The following PRKD1 variants were observed in gnomAD, a reference collection of about 807,000 sequenced individuals.
The protein encoded by PRKD1 is serine/threonine-protein kinase D1.
In PRKD1, 63 loss-of-function variants were observed where a neutral mutation model predicts 95.9. That is an observed-to-expected ratio of 0.66 (90% CI 0.54 to 0.81). The LOEUF (loss-of-function observed/expected upper bound fraction) is 0.81. Among genes scored for constraint, PRKD1 ranks in the 30% least tolerant of loss-of-function variants. The pLI is 0.00. For missense variants in PRKD1, 1,048 were observed against 1,165.3 expected (o/e 0.90, Z 1.47); for synonymous variants, 425 against 423.1 (o/e 1.00, Z -0.05).
chr14:29,624,066 G>T, intron 13 of PRKD1, 86 bp downstream of exon 13: 2 of 954,516 alleles, frequency 2.1e-6, no homozygotes, highest in Non-Finnish European at 3.1e-6. Flanking sequence ...TATGCCACAG[G>T]TTTTTAGAGA....
At position 29,627,194 on chromosome 14, in the gene PRKD1, T is replaced by C. The variant is rs577805408; in HGVS notation, c.1726-638A>G. ...AGATATTTGCCTGTTGAGATGGCTA[T>C]TTGGAAATGTCATTAAATAATCACG... On this transcript the variant is annotated intron_variant, in intron 11 of 17. Transcript: ENST00000331968. Among the ~76,000 whole-genome samples, 25 of 152,364 alleles carry C rather than the reference T, an allele frequency of 1.6e-4. No homozygotes were observed. In the South Asian group the frequency reaches 5.2e-3, roughly 32 times the overall value.
At chr14:29,774,023 A>T (rs1888626015) in intron 1 of PRKD1, among the ~76,000 whole-genome samples, 1 of 152,244 alleles carries the variant, frequency 6.6e-6, no homozygotes, top group Non-Finnish European at 1.5e-5. Context: ...AGAAAAGATC[A>T]GTTGAGCTAC....
chr14:29,920,963 T>G (rs1045746336), intron 1 of PRKD1, among the ~76,000 whole-genome samples: 3 of 152,210 alleles, frequency 2.0e-5, no homozygotes, highest in Non-Finnish European at 2.9e-5. Context: ...TCCAAGCACC[T>G]TCCTTCTCAT....
chr14:29,752,135 GA>G lies in PRKD1; in HGVS notation c.265-26462del, dbSNP rs199594495. Among the ~76,000 whole-genome samples the G allele has an allele frequency of 4.5e-3, 677 of 152,088 alleles. 10 individuals carry two copies. The highest frequency in any genetic ancestry group is 0.024 in the East Asian group (122 of 5,168). On this transcript the variant is annotated intron_variant, in intron 1 of 17. Transcript: ENST00000331968. Reference sequence around the variant, plus strand: ...GGTTACCTACAGATACAAGATGTTAGAAAAAAAGTTCCCTGAGATATATTTA... The same window carrying G: ...GGTTACCTACAGATACAAGATGTTAGAAAAAAGTTCCCTGAGATATATTTA...
chr14:29,738,973 T>TTA (rs1257953710), intron 1 of PRKD1, among the ~76,000 whole-genome samples: 3 of 152,032 alleles, frequency 2.0e-5, no homozygotes, highest in Non-Finnish European at 4.4e-5. Context: ...GTAGCTGGTA[T>TTA]TATAGGTGTG....
intron 1 of PRKD1, among the ~76,000 whole-genome samples, chr14:29,895,056 G>A (rs1294075695): frequency 6.6e-6 from 1 of 152,178 alleles, no homozygotes; most frequent in Non-Finnish European, 1.5e-5. Context: ...AAATAGCCGG[G>A]CGCTGTGGCT....
intron 1 of PRKD1, among the ~76,000 whole-genome samples, chr14:29,840,688 G>A (rs1178132910): frequency 6.6e-6 from 1 of 152,176 alleles, no homozygotes; most frequent in African/African-American, 2.4e-5. Flanking sequence ...CATGGCAGAA[G>A]GCAAGGAGGA....
intron 1 of PRKD1, among the ~76,000 whole-genome samples, chr14:29,787,686 T>G (rs1889338222): frequency 6.6e-6 from 1 of 152,144 alleles, no homozygotes; most frequent in South Asian, 2.1e-4. Flanking sequence ...GTGAAATATT[T>G]TTTTCCATGC....
chr14:29,718,001 A>T (rs749390671), intron 2 of PRKD1, among the ~76,000 whole-genome samples: 3 of 152,192 alleles, frequency 2.0e-5, no homozygotes, highest in Non-Finnish European at 4.4e-5. Context: ...AGTGAGGAAG[A>T]AGTGCACCAA....
At chr14:29,624,691 G>C (rs1879500936) in intron 12 of PRKD1, among the ~76,000 whole-genome samples, 1 of 152,052 alleles carries the variant, frequency 6.6e-6, no homozygotes, top group Non-Finnish European at 1.5e-5. Flanking sequence ...TTAGCTCTGT[G>C]ATCTTGAGCA....
intron 1 of PRKD1, among the ~76,000 whole-genome samples, chr14:29,852,552 G>A (rs768939396): frequency 1.3e-5 from 2 of 151,266 alleles, no homozygotes; most frequent in African/African-American, 2.4e-5. Flanking sequence ...GAGAGAGAGA[G>A]AGAAAGAGAG....
intron 4 of PRKD1, among the ~76,000 whole-genome samples, chr14:29,660,373 C>T (rs1426932215): frequency 6.6e-6 from 1 of 152,176 alleles, no homozygotes; most frequent in Non-Finnish European, 1.5e-5. Flanking sequence ...GTTTGTTCTA[C>T]ATCAGGGGTG....
intron 1 of PRKD1, among the ~76,000 whole-genome samples, chr14:29,779,703 C>T (rs1266067295): frequency 6.6e-6 from 1 of 152,086 alleles, no homozygotes; most frequent in Non-Finnish European, 1.5e-5. Context: ...GTGAAAATGG[C>T]CATACTGCCC....
chr14:29,776,647 A>G (rs1888771128), intron 1 of PRKD1, among the ~76,000 whole-genome samples: 1 of 152,246 alleles, frequency 6.6e-6, no homozygotes, highest in Admixed American at 6.5e-5. Flanking sequence ...AACTATGTGA[A>G]AAGACCAAAT....
At chr14:29,849,873 C>CATTTA (rs1892237294) in intron 1 of PRKD1, among the ~76,000 whole-genome samples, 4 of 152,160 alleles carry the variant, frequency 2.6e-5, no homozygotes, top group African/African-American at 9.7e-5. Context: ...CGACTTTATT[C>CATTTA]CCAGGATGCA....
intron 4 of PRKD1, among the ~76,000 whole-genome samples, chr14:29,650,949 C>T (rs1264346558): frequency 1.3e-5 from 2 of 152,174 alleles, no homozygotes; most frequent in Non-Finnish European, 2.9e-5. Context: ...TTCACCAATG[C>T]CTATTACAGC....
intron 1 of PRKD1, among the ~76,000 whole-genome samples, chr14:29,766,345 C>T (rs1430809099): frequency 2.0e-5 from 3 of 152,118 alleles, no homozygotes; most frequent in Non-Finnish European, 4.4e-5. Context: ...ACCAGCAAAT[C>T]CATGACACAA....
At chr14:29,632,821 A>T (rs762930630) in intron 9 of PRKD1, 48 bp downstream of exon 9, 3 of 1,514,626 alleles carry the variant, frequency 2.0e-6, no homozygotes, top group Admixed American at 3.4e-5. Context: ...CATTCCCATG[A>T]AAAAGCAATA....
chr14:29,708,595 C>A (rs1425297293), intron 2 of PRKD1, among the ~76,000 whole-genome samples: 1 of 152,168 alleles, frequency 6.6e-6, no homozygotes, highest in Non-Finnish European at 1.5e-5. Context: ...CGCACTGGCT[C>A]ACGCCTGTAA....
Sources: gnomAD v4.1 joint callset for allele counts (sites outside exome capture counted in the v4.1 genomes callset) on GRCh38, gnomAD v4.1.1 for gene constraint, MANE v1.5 for transcripts, NCBI Gene and HGNC (gene_info 2026-07-23, HGNC 2026-07-21) for gene names.